CASK: variants seen among roughly 807,000 people sequenced by gnomAD.
The protein encoded by CASK is calcium/calmodulin dependent serine protein kinase.
In CASK, 4 loss-of-function variants were observed where a neutral mutation model predicts 82.9. That is an observed-to-expected ratio of 0.05 (90% confidence interval 0.02 to 0.11). The LOEUF is 0.11. Among genes scored for constraint, CASK ranks in the 10% least tolerant of loss-of-function variants. The pLI is 1.00. For missense variants in CASK, 358 were observed against 720.9 expected (o/e 0.50, Z 5.76); for synonymous variants, 259 against 253.5 (o/e 1.02, Z -0.20).
chrX:41,596,781 G>T (rs2065827981), intron 12 of CASK, among the ~76,000 whole-genome samples: 1 of 112,048 alleles, frequency 8.9e-6, no homozygotes, highest in Non-Finnish European at 1.9e-5. Context: ...AGATAGGCCT[G>T]CTCTCTGCAA....
chrX:41,528,757 G>GCTC (rs2064751193), intron 25 of CASK, among the ~76,000 whole-genome samples: 1 of 112,018 alleles, frequency 8.9e-6, no homozygotes, highest in Non-Finnish European at 1.9e-5. Context: ...GTCCTAAGGA[G>GCTC]AGAGCCTCCC....
At chrX:41,603,819 T>G (rs1354601497) in intron 12 of CASK, among the ~76,000 whole-genome samples, 1 of 112,076 alleles carries the variant, frequency 8.9e-6, no homozygotes, top group Non-Finnish European at 1.9e-5. Flanking sequence ...TTGTCAAAGT[T>G]TGGCAGAGAG....
chrX:41,820,863 G>C (rs2070521641), intron 2 of CASK, among the ~76,000 whole-genome samples: 1 of 111,108 alleles, frequency 9.0e-6, no homozygotes. Context: ...TAACTCAATA[G>C]GGTTATTTCA....
rs1008573741 is a variant in CASK at position 41,520,263 on chromosome X, C to T, written c.*157G>A. 2.4e-6 allele frequency: 1 copy of T among 418,356 alleles called. No homozygotes were observed. The highest frequency in any genetic ancestry group is 2.4e-5 in the African/African-American group (1 of 40,831). 34.5% of individuals were successfully genotyped at this position (418,356 alleles called of 1,213,427 possible). Reference sequence around the variant, plus strand: ...AAATTAGTGTGTAATTGTTTTTCTCCTCCTATCTATTCGGACATGACAATA... The same window carrying T: ...AAATTAGTGTGTAATTGTTTTTCTCTTCCTATCTATTCGGACATGACAATA... On this transcript the variant is annotated 3_prime_UTR_variant, in exon 27 of 27. Coordinates refer to ENST00000378163, the MANE Select transcript of CASK (RefSeq NM_001367721.1).
At chrX:41,559,888 C>A in intron 17 of CASK, 41 bp from the exon 18 acceptor site, 1 of 1,121,607 alleles carries the variant, frequency 8.9e-7, no homozygotes, top group South Asian at 1.9e-5. Context: ...AGTTTTCTTA[C>A]AAACAATTGT....
chrX:41,656,847 C>CAA (rs2147453177), intron 8 of CASK, among the ~76,000 whole-genome samples: 1 of 111,514 alleles, frequency 9.0e-6, no homozygotes, highest in South Asian at 3.8e-4. Flanking sequence ...ACTCCCCCTG[C>CAA]CCCTCCCTAT....
At chrX:41,664,038 A>G (rs1429184399) in intron 7 of CASK, among the ~76,000 whole-genome samples, 1 of 111,617 alleles carries the variant, frequency 9.0e-6, no homozygotes, top group Non-Finnish European at 1.9e-5. Flanking sequence ...GTAAGTATTG[A>G]TTTTATTCCC....
intron 2 of CASK, among the ~76,000 whole-genome samples, chrX:41,839,919 T>G (rs979630145): frequency 7.2e-5 from 8 of 111,389 alleles, no homozygotes; most frequent in African/African-American, 2.6e-4. Context: ...CTCTATTCTA[T>G]TCTATGGATC....
At chrX:41,563,981 A>G (rs2065271697) in intron 16 of CASK, among the ~76,000 whole-genome samples, 2 of 111,980 alleles carry the variant, frequency 1.8e-5, no homozygotes, top group Non-Finnish European at 3.8e-5. Flanking sequence ...GAGAAATACA[A>G]GAGAGGAAAA....
chrX:41,852,945 T>C (rs1051896237), intron 2 of CASK, among the ~76,000 whole-genome samples, 170 bp downstream of exon 2: 2 of 111,716 alleles, frequency 1.8e-5, no homozygotes, highest in African/African-American at 6.5e-5. Flanking sequence ...TCAAATACTA[T>C]GTCCTAGAAT....
intron 21 of CASK, among the ~76,000 whole-genome samples, chrX:41,546,218 G>A (rs927691742): frequency 1.8e-5 from 2 of 110,553 alleles, no homozygotes; most frequent in African/African-American, 6.6e-5. Flanking sequence ...CAGGTGATCC[G>A]CCTGCCTTAG....
intron 5 of CASK, among the ~76,000 whole-genome samples, chrX:41,691,326 A>C (rs2147559521): frequency 8.9e-6 from 1 of 112,071 alleles, no homozygotes; most frequent in Non-Finnish European, 1.9e-5. Flanking sequence ...ACTTCCTTAT[A>C]ATAATGGACA....
intron 5 of CASK, among the ~76,000 whole-genome samples, chrX:41,702,479 A>G (rs992815391): frequency 9.1e-5 from 10 of 110,045 alleles, no homozygotes; most frequent in Non-Finnish European, 1.3e-4. Flanking sequence ...CTTACCACTC[A>G]TCATAATTGT....
At position 41,517,958 on chromosome X, in the gene CASK, G is replaced by A. The variant is rs1350045227; in HGVS notation, c.*2462C>T. On this transcript the variant is annotated 3_prime_UTR_variant, in exon 27 of 27. Coordinates refer to ENST00000378163, the MANE Select transcript of CASK (RefSeq NM_001367721.1). ...AGAAGTCAATGAGTTCTGCATGCAG[G>A]GATTTCACCATCGGAATGATGGCAA... 2.4e-6 allele frequency: 1 copy of A among 413,236 alleles called. No individual in the cohort carries two copies. 34.1% of individuals were successfully genotyped at this position (413,236 alleles called of 1,213,427 possible).
intron 3 of CASK, among the ~76,000 whole-genome samples, chrX:41,775,801 C>T (rs1276996988): frequency 5.1e-5 from 5 of 97,115 alleles, no homozygotes; most frequent in African/African-American, 7.4e-5. Context: ...AACCAAACAC[C>T]GCATGTTCTC....
chrX:41,731,264 A>G lies in CASK; in HGVS notation c.429+8120T>C, dbSNP rs151106146. ...GTGAGACCACGTCTCTACAAAAAAT[A>G]GAAAAATTAGCTGGACATGGTGGCA... On this transcript the variant is annotated intron_variant, in intron 5 of 26. Transcript: ENST00000378163. Among the ~76,000 whole-genome samples, 169 of 111,604 alleles carry G rather than the reference A, an allele frequency of 1.5e-3. 4 individuals carry two copies. The East Asian group carries it at 0.033, about 22-fold the overall frequency.
intron 1 of CASK, among the ~76,000 whole-genome samples, chrX:41,918,173 T>C (rs2072725025): frequency 8.9e-6 from 1 of 112,363 alleles, no homozygotes; most frequent in South Asian, 3.7e-4. Flanking sequence ...GAAACATTTT[T>C]TCAACACAAT....
intron 16 of CASK, 185 bp from the exon 17 acceptor site, chrX:41,561,829 T>C: frequency 2.4e-6 from 1 of 418,434 alleles, no homozygotes; most frequent in East Asian, 4.1e-5. Context: ...AAAACAGATA[T>C]ATCTACTTGT....
intron 21 of CASK, among the ~76,000 whole-genome samples, chrX:41,544,163 G>T (rs1189977669): frequency 8.9e-6 from 1 of 112,170 alleles, no homozygotes; most frequent in Non-Finnish European, 1.9e-5. Flanking sequence ...TCTACTCTGT[G>T]GTTTGCCTTT....
Sources: gnomAD v4.1 joint callset for allele counts (sites outside exome capture counted in the v4.1 genomes callset) on GRCh38, gnomAD v4.1.1 for gene constraint, MANE v1.5 for transcripts, NCBI Gene and HGNC (gene_info 2026-07-23, HGNC 2026-07-21) for gene names.